The following ULK4 variants were observed in gnomAD, a reference collection of about 807,000 sequenced individuals.
The protein encoded by ULK4 is unc-51 like kinase 4.
In ULK4, 133 loss-of-function variants were observed where a neutral mutation model predicts 160.6. The observed-to-expected ratio is 0.83, with a 90% CI of 0.72 to 0.96. ULK4 has a LOEUF of 0.96. Among genes scored for constraint, ULK4 ranks in the 40% least tolerant of loss-of-function variants. The pLI, the probability that ULK4 is intolerant of heterozygous loss-of-function variation, is 0.00. For missense variants in ULK4, 1,580 were observed against 1,499.5 expected, an observed-to-expected ratio of 1.05 and a Z score of -0.89; for synonymous variants, 534 against 539.8, an observed-to-expected ratio of 0.99 and a Z score of 0.15.
chr3:41,442,949 T>C (rs770349962), intron 34 of ULK4, among the ~76,000 whole-genome samples: 1 of 152,154 alleles, frequency 6.6e-6, no homozygotes, highest in African/African-American at 2.4e-5. Context: ...ATTTATGACA[T>C]AGAAACAGCA....
intron 35 of ULK4, among the ~76,000 whole-genome samples, chr3:41,292,669 G>A (rs532588146): frequency 6.6e-6 from 1 of 152,256 alleles, no homozygotes; most frequent in East Asian, 1.9e-4. Context: ...AAAAAGACCA[G>A]ATGTGGTGGC....
intron 21 of ULK4, among the ~76,000 whole-genome samples, chr3:41,768,053 C>A (rs1575672506): frequency 2.0e-5 from 3 of 152,152 alleles, no homozygotes; most frequent in Non-Finnish European, 4.4e-5. Flanking sequence ...CCAACAGATT[C>A]TCATAGGAGT....
chr3:41,322,373 T>G (rs1318582623), intron 35 of ULK4, among the ~76,000 whole-genome samples: 1 of 152,130 alleles, frequency 6.6e-6, no homozygotes, highest in Non-Finnish European at 1.5e-5. Flanking sequence ...GCTCTAAAAC[T>G]TGCCTCCGTC....
intron 17 of ULK4, among the ~76,000 whole-genome samples, chr3:41,880,816 C>T (rs1437228717): frequency 4.6e-5 from 7 of 152,138 alleles, no homozygotes; most frequent in Middle Eastern, 3.4e-3. Flanking sequence ...CCAAGCTACT[C>T]GTGAAGCTGA....
chr3:41,810,288 G>A (rs2040781307), intron 19 of ULK4, among the ~76,000 whole-genome samples: 1 of 152,116 alleles, frequency 6.6e-6, no homozygotes, highest in Non-Finnish European at 1.5e-5. Context: ...TTTCAATCCA[G>A]TGTTAGTGAA....
chr3:41,563,072 A>G (rs185903801), intron 32 of ULK4, among the ~76,000 whole-genome samples: 1 of 152,116 alleles, frequency 6.6e-6, no homozygotes, highest in Admixed American at 6.6e-5. Context: ...ACAGTCTCTC[A>G]GCATTTGCTT....
intron 11 of ULK4, among the ~76,000 whole-genome samples, chr3:41,909,858 G>C (rs879402614): frequency 6.6e-6 from 1 of 151,858 alleles, no homozygotes; most frequent in Non-Finnish European, 1.5e-5. Context: ...ATTTCTCTAC[G>C]TTAAAAAATA....
At chr3:41,867,475 G>T (rs570325563) in intron 17 of ULK4, among the ~76,000 whole-genome samples, 1 of 152,138 alleles carries the variant, frequency 6.6e-6, no homozygotes, top group Non-Finnish European at 1.5e-5. Context: ...AGATTTAAGC[G>T]ATTCTCATGC....
At chr3:41,659,352 G>A (rs549754635) in intron 30 of ULK4, among the ~76,000 whole-genome samples, 1 of 152,292 alleles carries the variant, frequency 6.6e-6, no homozygotes, top group South Asian at 2.1e-4. Context: ...CAACTGTGGT[G>A]TATTTGTGCA....
chr3:41,909,223 TGC>T (rs1559643397), intron 11 of ULK4, among the ~76,000 whole-genome samples: 1 of 151,958 alleles, frequency 6.6e-6, no homozygotes. Context: ...ACCGCACCAC[TGC>T]ATTCCAGCCT....
At chr3:41,609,474 C>G (rs2032556089) in intron 31 of ULK4, among the ~76,000 whole-genome samples, 1 of 152,064 alleles carries the variant, frequency 6.6e-6, no homozygotes, top group Non-Finnish European at 1.5e-5. Flanking sequence ...AGAAACACCT[C>G]ACATGTACTT....
At chr3:41,826,700 A>T (rs1232145847) in intron 18 of ULK4, among the ~76,000 whole-genome samples, 2 of 150,198 alleles carry the variant, frequency 1.3e-5, no homozygotes, top group Admixed American at 1.3e-4. Context: ...ACTCCCACAC[A>T]ATAATAATAG....
intron 27 of ULK4, among the ~76,000 whole-genome samples, chr3:41,682,333 T>A (rs766590542): frequency 6.6e-6 from 1 of 152,112 alleles, no homozygotes; most frequent in East Asian, 1.9e-4. Context: ...CAGAGAACAA[T>A]CAAATATGGT....
chr3:41,701,566 G>A (rs1422727939), intron 27 of ULK4, among the ~76,000 whole-genome samples: 1 of 152,138 alleles, frequency 6.6e-6, no homozygotes. Context: ...TAAGCTAAAG[G>A]AAACTATAAA....
intron 35 of ULK4, among the ~76,000 whole-genome samples, chr3:41,317,497 G>T (rs2080168241): frequency 6.6e-6 from 1 of 151,998 alleles, no homozygotes; most frequent in Non-Finnish European, 1.5e-5. Context: ...TATTGATAAC[G>T]ATTGATAATG....
chr3:41,687,030 CTA>C (rs375483170), intron 27 of ULK4, among the ~76,000 whole-genome samples: 40 of 151,990 alleles, frequency 2.6e-4, no homozygotes, highest in African/African-American at 9.4e-4. Flanking sequence ...TTACAGTGAG[CTA>C]TGAGTGCACC....
intron 2 of ULK4, among the ~76,000 whole-genome samples, chr3:41,939,894 T>A (rs1699897047): frequency 6.6e-6 from 1 of 152,154 alleles, no homozygotes; most frequent in Non-Finnish European, 1.5e-5. Context: ...GCACTCCTTA[T>A]GAGAATCTAA....
chr3:41,420,468 G>GTTTTTTTTTTTTT (rs1559588075), intron 34 of ULK4, among the ~76,000 whole-genome samples: 2 of 90,048 alleles, frequency 2.2e-5, no homozygotes, highest in African/African-American at 9.2e-5. Context: ...CAGTTTTCCA[G>GTTTTTTTTTTTTT]TTCTTTCTTT....
intron 35 of ULK4, among the ~76,000 whole-genome samples, chr3:41,396,940 G>A (rs940536572): frequency 2.6e-5 from 4 of 152,074 alleles, no homozygotes; most frequent in African/African-American, 9.7e-5. Context: ...CTCCCTTCTA[G>A]TTCTGTCACC....
Sources: allele counts gnomAD v4.1 joint callset (sites outside exome capture counted in the v4.1 genomes callset), GRCh38; gene constraint gnomAD v4.1.1; transcripts MANE v1.5; gene names NCBI Gene and HGNC (gene_info 2026-07-23, HGNC 2026-07-21).